Variants in ENOX2 observed in about 807,000 individuals in gnomAD.
ENOX2 encodes the protein ecto-NOX disulfide-thiol exchanger 2.
In ENOX2, 36 loss-of-function variants were observed where a neutral mutation model predicts 45.0. The ratio of observed to expected loss-of-function variants is 0.80; its 90% CI spans 0.61 to 1.06. The LOEUF (loss-of-function observed/expected upper bound fraction) is 1.06. Ranked by LOEUF, ENOX2 falls within the 50% of genes least tolerant of loss-of-function variation. The probability of loss-of-function intolerance (pLI) is 0.00; values close to 1 mark genes in which losing one functional copy is unlikely to be tolerated. For synonymous variants in ENOX2, 174 were observed against 152.3 expected (o/e 1.14, Z -1.05); for missense variants, 423 against 462.5 (o/e 0.91, Z 0.78).
At chrX:130,788,099 T>G (rs1433310854) in intron 2 of ENOX2, among the ~76,000 whole-genome samples, 1 of 112,343 alleles carries the variant, frequency 8.9e-6, no homozygotes, top group South Asian at 3.7e-4. Flanking sequence ...GGGTGTTTTT[T>G]GTGTCATGTA....
At chrX:130,687,472 G>GT (rs1376995580) in intron 5 of ENOX2, among the ~76,000 whole-genome samples, 1 of 112,489 alleles carries the variant, frequency 8.9e-6, no homozygotes, top group Admixed American at 9.4e-5. Flanking sequence ...ATGCTGAAAG[G>GT]TAAAAAAGGC....
intron 2 of ENOX2, among the ~76,000 whole-genome samples, chrX:130,858,173 G>C (rs1334670067): frequency 9.5e-6 from 1 of 105,034 alleles, no homozygotes; most frequent in East Asian, 3.0e-4. Context: ...GGAGTGCAAT[G>C]GCGCAATTTC....
intron 6 of ENOX2, among the ~76,000 whole-genome samples, chrX:130,671,512 T>C (rs145570398): frequency 1.8e-3 from 204 of 111,690 alleles, no homozygotes; most frequent in Middle Eastern, 9.1e-3. Context: ...ATAGAGTTCA[T>C]AAGGCAGAGT....
chrX:130,759,363 G>T (rs764788346), intron 3 of ENOX2, among the ~76,000 whole-genome samples: 1 of 108,746 alleles, frequency 9.2e-6, no homozygotes, highest in Admixed American at 9.9e-5. Flanking sequence ...AGGCCGAGGC[G>T]GTTGGACCAG....
chrX:130,817,846 A>T (rs1159170317), intron 2 of ENOX2, among the ~76,000 whole-genome samples: 4 of 112,281 alleles, frequency 3.6e-5, no homozygotes, highest in Non-Finnish European at 7.5e-5. Context: ...ATTCCCTTTG[A>T]AAACTGGCAC....
At position 130,679,496 on chromosome X, in the gene ENOX2, T is replaced by A. The variant is rs751781945; in HGVS notation, c.460+46A>T. 3.9e-6 allele frequency: 4 copies of A among 1,035,061 alleles called. No individual in the cohort carries two copies. In the East Asian group the frequency reaches 9.1e-5, roughly 24 times the overall value. 85.3% of individuals were successfully genotyped at this position (1,035,061 alleles called of 1,213,427 possible). A position where few individuals can be genotyped will look rare whatever the true frequency, so the allele number is the denominator to read the frequency against. ...GACACAAATAGTTCTATCTTTAATA[T>A]CTGCGTTGTGCCTGGTGGGCACAAT... On this transcript the variant is annotated intron_variant, in intron 6 of 14. Transcript: ENST00000394363.
intron 2 of ENOX2, among the ~76,000 whole-genome samples, chrX:130,877,450 G>T (rs1216774309): frequency 3.6e-5 from 4 of 111,918 alleles, no homozygotes; most frequent in African/African-American, 9.7e-5. Context: ...CCCAGATATG[G>T]AATAGGCAGG....
Position 130,847,848 on chromosome X carries a change from G to GGCTAGGAGATCA in ENOX2, c.-183+53824_-183+53835dup, listed in dbSNP as rs373170190. ...AAATCCTAGTTCCAGTATTATTCTA[G>GGCTAGGAGATCA]GCTAGGAGATCAGCTTTCAGTCTAA... On this transcript the variant is annotated intron_variant, in intron 2 of 14. Transcript: ENST00000394363. 2.4e-3 allele frequency among the ~76,000 whole-genome samples: 269 copies of GGCTAGGAGATCA among 111,933 alleles called. 1 individual carries two copies. Among genetic ancestry groups the GGCTAGGAGATCA allele is most frequent in the African/African-American group, 7.9e-3 (243 of 30,776 alleles).
chrX:130,885,770 AAACC>A (rs1405424289), intron 2 of ENOX2, among the ~76,000 whole-genome samples: 32 of 112,495 alleles, frequency 2.8e-4, no homozygotes, highest in African/African-American at 9.4e-4. Context: ...CCAGAAACTT[AAACC>A]AGTAACACTG....
chrX:130,842,991 G>A (rs747046827), intron 2 of ENOX2, among the ~76,000 whole-genome samples: 1 of 111,123 alleles, frequency 9.0e-6, no homozygotes, highest in East Asian at 2.8e-4. Context: ...ATTTCTAAAG[G>A]AGTTTTAGGC....
chrX:130,884,939 G>C (rs1254842925), intron 2 of ENOX2, among the ~76,000 whole-genome samples: 1 of 111,704 alleles, frequency 9.0e-6, no homozygotes. Context: ...CAGTACAACA[G>C]TACAAACAAA....
At chrX:130,827,075 A>C (rs978402237) in intron 2 of ENOX2, among the ~76,000 whole-genome samples, 1 of 112,372 alleles carries the variant, frequency 8.9e-6, no homozygotes, top group Non-Finnish European at 1.9e-5. Flanking sequence ...AGGTTCTAAA[A>C]AACATTCAAG....
chrX:130,795,163 C>A (rs1360056912), intron 2 of ENOX2, among the ~76,000 whole-genome samples: 1 of 112,127 alleles, frequency 8.9e-6, no homozygotes, highest in African/African-American at 3.2e-5. Flanking sequence ...AACAGAGCTT[C>A]CTGTAATATG....
intron 11 of ENOX2, among the ~76,000 whole-genome samples, chrX:130,635,966 C>T (rs5930422): frequency 1.8e-4 from 20 of 112,150 alleles, no homozygotes; most frequent in South Asian, 7.5e-4. Context: ...TCATGATTTT[C>T]GAATTGCATT....
intron 5 of ENOX2, among the ~76,000 whole-genome samples, chrX:130,687,752 G>A: frequency 9.0e-6 from 1 of 111,708 alleles, no homozygotes; most frequent in East Asian, 2.8e-4. Flanking sequence ...AAAACCAGAA[G>A]AAAGCATAAA....
intron 3 of ENOX2, among the ~76,000 whole-genome samples, chrX:130,713,538 G>A (rs1435169585): frequency 3.6e-5 from 4 of 111,437 alleles, no homozygotes; most frequent in South Asian, 7.6e-4. Context: ...AGGCTCTTTT[G>A]GGGTTTTTCT....
chrX:130,626,179 C>G (rs1165328623), intron 14 of ENOX2, among the ~76,000 whole-genome samples: 1 of 111,429 alleles, frequency 9.0e-6, no homozygotes, highest in Non-Finnish European at 1.9e-5. Context: ...CTCAGGCTCT[C>G]TTTGGGAGAC....
chrX:130,722,496 G>A (rs757918132), intron 3 of ENOX2, among the ~76,000 whole-genome samples: 93 of 111,738 alleles, frequency 8.3e-4, no homozygotes, highest in African/African-American at 2.7e-3. Context: ...GTCAGAGTAC[G>A]CAACCTTTTA....
chrX:130,815,723 G>C (rs761713174), intron 2 of ENOX2, among the ~76,000 whole-genome samples: 1 of 111,985 alleles, frequency 8.9e-6, no homozygotes, highest in African/African-American at 3.2e-5. Context: ...CACCAGGCCT[G>C]CCTTACAAGA....
Sources: allele counts gnomAD v4.1 joint callset (sites outside exome capture counted in the v4.1 genomes callset), GRCh38; gene constraint gnomAD v4.1.1; transcripts MANE v1.5; gene names NCBI Gene and HGNC (gene_info 2026-07-23, HGNC 2026-07-21).